Variants in TENM2 observed in about 807,000 individuals in gnomAD.
The protein encoded by TENM2 is teneurin-2.
In TENM2, 52 loss-of-function variants were observed where a neutral mutation model predicts 245.2. That is an observed-to-expected ratio of 0.21 (90% CI 0.17 to 0.27). The LOEUF is 0.27. Among genes scored for constraint, TENM2 ranks in the 10% least tolerant of loss-of-function variants. The pLI is 1.00. For synonymous variants in TENM2, 1,363 were observed against 1,438.9 expected (o/e 0.95, Z 1.19); for missense variants, 3,046 against 3,666.8 (o/e 0.83, Z 4.37).
chr5:167,089,891 G>A, the TENM2 span, among the ~76,000 whole-genome samples: 2 of 152,190 alleles, frequency 1.3e-5, no homozygotes, highest in Admixed American at 6.5e-5. Flanking sequence ...CGAGGAAGGG[G>A]GTATCAGTTC....
intron 8 of TENM2, among the ~76,000 whole-genome samples, chr5:168,096,703 C>T (rs1793398612): frequency 6.6e-6 from 1 of 152,192 alleles, no homozygotes; most frequent in South Asian, 2.1e-4. Flanking sequence ...AACAATTAGA[C>T]TTCACAGCCT....
intron 2 of TENM2, among the ~76,000 whole-genome samples, chr5:167,600,041 G>A (rs1407146062): frequency 1.6e-4 from 12 of 76,976 alleles, no homozygotes; most frequent in South Asian, 4.9e-4. Context: ...AGCTACTCGA[G>A]AGGCTGAGGC....
chr5:167,822,635 C>T lies in TENM2; in HGVS notation c.503-53351C>T, dbSNP rs750427561. On this transcript the variant is annotated intron_variant, in intron 2 of 28. Transcript: ENST00000518659. ...TGTTCTTTCTACAGAATTCACATGT[C>T]ACACTGGAGATGTTTCACATGCAAA... 5.3e-4 allele frequency among the ~76,000 whole-genome samples: 80 copies of T among 152,182 alleles called. 1 individual carries two copies. Among genetic ancestry groups the T allele is most frequent in the Non-Finnish European group, 8.8e-4 (60 of 68,044 alleles).
rs114465757 is a variant in TENM2, at chr5:167,450,578, A to C, written c.502+75105A>C. 6.6e-3 allele frequency among the ~76,000 whole-genome samples: 1,008 copies of C among 152,258 alleles called. 8 individuals carry two copies. The highest frequency in any genetic ancestry group is 0.023 in the African/African-American group (961 of 41,542). On this transcript the variant is annotated intron_variant, in intron 2 of 28. Transcript: ENST00000518659. ...TATAAGCTTATTCTTTGACTTTTTT[A>C]TATATGTCTACCTTATATTTGAGGT...
intron 1 of TENM2, among the ~76,000 whole-genome samples, chr5:167,339,536 T>C (rs989666201): frequency 1.3e-5 from 2 of 152,138 alleles, no homozygotes; most frequent in African/African-American, 4.8e-5. Flanking sequence ...TCAATATGCA[T>C]GATATGAGGA....
intron 2 of TENM2, among the ~76,000 whole-genome samples, chr5:167,417,477 G>T (rs1165686294): frequency 1.3e-5 from 2 of 152,214 alleles, no homozygotes; most frequent in Non-Finnish European, 2.9e-5. Context: ...GAGGCCTTTT[G>T]CTTATTCTTA....
chr5:167,234,220 T>C, the TENM2 span, among the ~76,000 whole-genome samples: 2 of 152,216 alleles, frequency 1.3e-5, no homozygotes, highest in African/African-American at 2.4e-5. Flanking sequence ...ACACCCAGGC[T>C]AAGGGAAACA....
intron 5 of TENM2, among the ~76,000 whole-genome samples, chr5:168,021,683 C>T (rs1786157456): frequency 6.6e-6 from 1 of 152,184 alleles, no homozygotes; most frequent in Non-Finnish European, 1.5e-5. Context: ...TCATAAGAGA[C>T]CCCAACACTG....
chr5:167,626,289 C>T (rs1190610310), intron 2 of TENM2, among the ~76,000 whole-genome samples: 1 of 151,608 alleles, frequency 6.6e-6, no homozygotes. Flanking sequence ...GGCAAGGTTC[C>T]TCAGTTACAT....
At chr5:167,371,510 C>A (rs188827623) in intron 1 of TENM2, among the ~76,000 whole-genome samples, 1 of 151,706 alleles carries the variant, frequency 6.6e-6, no homozygotes, top group Non-Finnish European at 1.5e-5. Context: ...GACAGCCATG[C>A]GCCACCACAC....
At chr5:167,766,266 T>C (rs1311062308) in intron 2 of TENM2, among the ~76,000 whole-genome samples, 1 of 151,918 alleles carries the variant, frequency 6.6e-6, no homozygotes, top group East Asian at 1.9e-4. Context: ...TATTCTAAGC[T>C]GGGGAAAAAT....
intron 8 of TENM2, among the ~76,000 whole-genome samples, chr5:168,096,777 A>G (rs1793405167): frequency 6.6e-6 from 1 of 152,224 alleles, no homozygotes; most frequent in East Asian, 1.9e-4. Context: ...TCACATTTTG[A>G]GAATAGTGGC....
At chr5:167,292,636 T>C (rs980518896) in intron 1 of TENM2, among the ~76,000 whole-genome samples, 9 of 152,322 alleles carry the variant, frequency 5.9e-5, no homozygotes, top group African/African-American at 1.9e-4. Flanking sequence ...TTCAAAAATA[T>C]TTCAGGGGTT....
At chr5:167,142,069 A>G in the TENM2 span, among the ~76,000 whole-genome samples, 2 of 152,182 alleles carry the variant, frequency 1.3e-5, no homozygotes, top group Admixed American at 6.5e-5. Context: ...TTCTTTACAT[A>G]CTAGCACATC....
intron 2 of TENM2, among the ~76,000 whole-genome samples, chr5:167,796,682 G>A (rs1248881653): frequency 6.6e-6 from 1 of 152,108 alleles, no homozygotes; most frequent in African/African-American, 2.4e-5. Flanking sequence ...GTAGAGTTGG[G>A]AGTGGCTCAT....
At chr5:167,189,235 C>T in the TENM2 span, among the ~76,000 whole-genome samples, 1 of 152,134 alleles carries the variant, frequency 6.6e-6, no homozygotes, top group African/African-American at 2.4e-5. Flanking sequence ...GTTATAGAAT[C>T]ACTCATAGTG....
the TENM2 span, among the ~76,000 whole-genome samples, chr5:167,260,977 G>T: frequency 2.6e-5 from 4 of 152,202 alleles, no homozygotes; most frequent in African/African-American, 9.6e-5. Context: ...CTATGAGTTT[G>T]GTACTAGAAT....
At chr5:167,266,971 T>C in the TENM2 span, among the ~76,000 whole-genome samples, 1 of 152,210 alleles carries the variant, frequency 6.6e-6, no homozygotes, top group African/African-American at 2.4e-5. Context: ...TCAGTATGTT[T>C]TGAGTTGTTG....
intron 3 of TENM2, among the ~76,000 whole-genome samples, chr5:167,936,365 G>A (rs1778713440): frequency 6.6e-6 from 1 of 152,194 alleles, no homozygotes; most frequent in South Asian, 2.1e-4. Context: ...TTAAATGAAT[G>A]TAAATACAAA....
Sources: allele counts gnomAD v4.1 joint callset (sites outside exome capture counted in the v4.1 genomes callset), GRCh38; gene constraint gnomAD v4.1.1; transcripts MANE v1.5; gene names NCBI Gene and HGNC (gene_info 2026-07-23, HGNC 2026-07-21).